Variants in MROH2A observed in about 807,000 individuals in gnomAD.
The protein encoded by MROH2A is maestro heat-like repeat-containing protein family member 2A.
A neutral mutation model predicts 200.4 loss-of-function variants in MROH2A; 174 were observed. That is an observed-to-expected ratio of 0.87 (90% CI 0.77 to 0.98). MROH2A has a LOEUF of 0.98. MROH2A is among the 50% of genes least tolerant of loss of function. The probability of loss-of-function intolerance (pLI) is 0.00; values close to 1 mark genes in which losing one functional copy is unlikely to be tolerated. For missense variants in MROH2A, 2,045 were observed against 2,139.6 expected (o/e 0.96, Z 0.87); for synonymous variants, 829 against 840.4 (o/e 0.99, Z 0.23).
At chr2:233,816,953 C>A in intron 27 of MROH2A, 68 bp downstream of exon 27, 2 of 970,984 alleles carry the variant, frequency 2.1e-6, no homozygotes, top group Non-Finnish European at 3.1e-6. Flanking sequence ...CTGTGTCTAT[C>A]TGGAAGATGA....
At position 233,808,085 on chromosome 2, in the gene MROH2A, C is replaced by A. The variant is rs905086294; in HGVS notation, c.2295+230C>A. 2.0e-5 allele frequency among the ~76,000 whole-genome samples: 3 copies of A among 152,314 alleles called. No homozygotes were observed. The East Asian group carries it at 5.8e-4, about 29-fold the overall frequency. On this transcript the variant is annotated intron_variant, in intron 21 of 41. Coordinates refer to ENST00000389758, the MANE Select transcript of MROH2A (RefSeq NM_001394639.1). Reference sequence around the variant, plus strand: ...CCTTTCCAGGACCCAGATACTGTCACGGAGTCCCAGCCCCTTGCTACTCAT... The same window carrying A: ...CCTTTCCAGGACCCAGATACTGTCAAGGAGTCCCAGCCCCTTGCTACTCAT...
intron 18 of MROH2A, 149 bp from the exon 19 acceptor site, chr2:233,804,855 G>T: frequency 1.7e-6 from 1 of 603,546 alleles, no homozygotes; most frequent in East Asian, 2.8e-5. Context: ...CTGGATCAGG[G>T]ATCTATGGAC....
At position 233,792,437 on chromosome 2, in the gene MROH2A, C is replaced by T. The variant is rs561457332; in HGVS notation, c.572-359C>T. ...ACGCCATTCTCCTGCCTCTGCCTCC[C>T]GAGTGGTTGAGACTACAGGCGCCTG... is the stretch of plus-strand genomic sequence containing the variant. On this transcript the variant is annotated intron_variant, in intron 5 of 41. Transcript: ENST00000389758. Among the ~76,000 whole-genome samples the T allele has an allele frequency of 4.6e-5, 7 of 152,106 alleles. No individual in the cohort carries two copies. In the South Asian group the frequency reaches 1.0e-3, roughly 23 times the overall value.
In MROH2A at chr2:233,822,863, GCTCCCAC is replaced by G; in HGVS notation, c.3867-12_3867-6del. 3 of 1,549,750 alleles carry G rather than the reference GCTCCCAC, an allele frequency of 1.9e-6. No individual in the cohort carries two copies. The highest frequency in any genetic ancestry group is 2.6e-6 in the Non-Finnish European group (3 of 1,146,318). On this transcript the variant is annotated splice_polypyrimidine_tract_variant and intron_variant, in intron 33 of 41. Coordinates refer to ENST00000389758, the MANE Select transcript of MROH2A (RefSeq NM_001394639.1). ...CTCCCAGCAGGGCAGCGCATCACAA[GCTCCCAC>G]CTCCCTTCAGGGTCACTATCAAGTC...
chr2:233,816,959 G>A, intron 27 of MROH2A, 74 bp downstream of exon 27: 1 of 902,086 alleles, frequency 1.1e-6, no homozygotes. Context: ...CTATCTGGAA[G>A]ATGAGGGAAC....
rs1290844153 is a variant in MROH2A, at chr2:233,822,548, C to A, written c.3858C>A (p.Asn1286Lys). 1.3e-6 allele frequency: 2 copies of A among 1,549,530 alleles called. No homozygotes were observed. Among genetic ancestry groups the A allele is most frequent in the Non-Finnish European group, 1.7e-6 (2 of 1,146,936 alleles). Residue 1286 changes from asparagine to lysine, a missense_variant, in exon 33 of 42, where the codon AAC (asparagine) becomes AAA (lysine). Asn to Lys is a moderately conservative substitution (Grantham distance 94, BLOSUM62 0). Around this residue, in one of 3 missense-constraint regions of MROH2A, gnomAD observed 1,201 missense variants for 1,311.3 expected, o/e 0.92. Transcript: ENST00000389758. The part of the protein sequence containing the change: ...VHTTPLPEEM[N>K]LQRVTIKSMQ... ...CCACTCCTCTGCCGGAGGAGATGAA[C>A]CTGCAAAGGTGCTCTCGAGGGCGGT...
chr2:233,829,669 C>T lies in MROH2A; in HGVS notation c.4496C>T (p.Ala1499Val). 5 of 1,488,872 alleles carry T rather than the reference C, an allele frequency of 3.4e-6. No homozygotes were observed. The highest frequency in any genetic ancestry group is 1.4e-5 in the African/African-American group (1 of 69,872). The allele number at this position is 1,488,872 out of a possible 1,614,324, so 92.2% of individuals were successfully genotyped here. Reference protein sequence around the residue: ...LKAFILFGKLARVVGMSKKHF... With the variant: ...LKAFILFGKLVRVVGMSKKHF... The stretch of plus-strand genomic sequence containing the variant: ...GCCTTCATCCTCTTTGGAAAGCTGG[C>T]AAGGGTGGTCGGGATGTCCAAGAAG... Residue 1499 changes from alanine to valine, a missense_variant, in exon 38 of 42, where the codon GCA becomes GTA. Ala to Val is a moderately conservative substitution (Grantham distance 64). Transcript: ENST00000389758.
intron 19 of MROH2A, among the ~76,000 whole-genome samples, chr2:233,806,764 C>A (rs1018631093): frequency 1.3e-5 from 2 of 152,142 alleles, no homozygotes; most frequent in African/African-American, 2.4e-5. Flanking sequence ...TCTGACCTCC[C>A]AGAATAACCT....
intron 38 of MROH2A, among the ~76,000 whole-genome samples, chr2:233,830,011 G>A (rs552992077): frequency 5.9e-5 from 9 of 152,206 alleles, no homozygotes; most frequent in Middle Eastern, 3.4e-3. Context: ...TCTCAGCCCC[G>A]TGTCGGGGGA....
Position 233,807,645 on chromosome 2 carries a change from T to A in MROH2A, c.2173-88T>A, listed in dbSNP as rs1175268143. ...TGCGTTTTGTGTGTGTGTGTGTACA[T>A]GTGTGTGTGCCTTGCACGTGTGTGT... On this transcript the variant is annotated intron_variant, in intron 20 of 41. Transcript: ENST00000389758. The surrounding 1 kb of genome is among the most constrained non-coding windows in gnomAD (Gnocchi z 4.3). 1 of 1,545,362 alleles carries A rather than the reference T, an allele frequency of 6.5e-7. No homozygotes were observed. The highest frequency in any genetic ancestry group is 8.7e-7 in the Non-Finnish European group (1 of 1,144,272).
Position 233,804,549 on chromosome 2 carries a change from T to C in MROH2A, c.1944+2T>C. 6.4e-7 allele frequency: 1 copy of C among 1,551,184 alleles called. No individual in the cohort carries two copies. ...GCCTGGGAAGACAAGCTGATTCAGG[T>C]AAACGGGTAACAAGTTTGCTGAGGC... On this transcript the variant is annotated splice_donor_variant, in intron 18 of 41. Coordinates refer to ENST00000389758, the MANE Select transcript of MROH2A (RefSeq NM_001394639.1). LOFTEE classifies it high-confidence loss of function.
At position 233,828,611 on chromosome 2, in the gene MROH2A, C is replaced by T; in HGVS notation, c.4114-19C>T. 3 of 1,549,364 alleles carry T rather than the reference C, an allele frequency of 1.9e-6. No homozygotes were observed. The highest frequency in any genetic ancestry group is 2.6e-6 in the Non-Finnish European group (3 of 1,145,900). On this transcript the variant is annotated intron_variant, in intron 35 of 41. Transcript: ENST00000389758. This position sits in a 1 kb window ranked among gnomAD's most constrained non-coding sequence, Gnocchi z 4.6. ...ATGAGCCCGCCCTGGGGATAACTGC[C>T]CAATGTCCTCCCTTCCAGTTCATGA...
intron 3 of MROH2A, among the ~76,000 whole-genome samples, chr2:233,786,074 C>A (rs1327129152): frequency 6.6e-6 from 1 of 152,104 alleles, no homozygotes; most frequent in African/African-American, 2.4e-5. Context: ...GTGAATAAGT[C>A]TCACGAGATC....
Position 233,787,569 on chromosome 2 carries a change from T to TACATATATCATATATAC in MROH2A, c.277-1927_277-1926insCATATATCATATATACA, listed in dbSNP as rs1559435370. On this transcript the variant is annotated intron_variant, in intron 3 of 41. Transcript: ENST00000389758. ...ATATATATTATATATACATATATAT[T>TACATATATCATATATAC]ATATATATCATATATACATATATAT... Among the ~76,000 whole-genome samples, 62 of 62,070 alleles carry TACATATATCATATATAC rather than the reference T, an allele frequency of 1.0e-3. 2 individuals carry two copies. The highest frequency in any genetic ancestry group is 1.5e-3 in the Non-Finnish European group (55 of 36,900). 40.7% of individuals were successfully genotyped at this position (62,070 alleles called of 152,430 possible).
rs1267308017 is a variant in MROH2A at position 233,819,379 on chromosome 2, C to T, written c.3267C>T (p.Asn1089=). ...VVSLIQKLCE[N]TGAMNLQHDK... ...CGCTCATCCAGAAGCTCTGCGAGAA[C>T]ACTGGGGCCATGAACCTGCAGCATG... is the stretch of plus-strand genomic sequence containing the variant. The change falls in exon 30 of 42, where the codon AAC becomes AAT. Residue 1089 remains asparagine (N), a synonymous_variant. Transcript: ENST00000389758. 11 of 1,550,470 alleles carry T rather than the reference C, an allele frequency of 7.1e-6. No homozygotes were observed. In the Admixed American group the frequency reaches 1.2e-4, roughly 17 times the overall value.
At chr2:233,795,837 C>G (rs564104126) in intron 9 of MROH2A, 92 bp downstream of exon 9, 1 of 1,546,064 alleles carries the variant, frequency 6.5e-7, no homozygotes, top group Non-Finnish European at 8.7e-7. Context: ...ACAACTCACT[C>G]GCGTGCTTCC....
At chr2:233,790,490 T>C (rs1327933784) in intron 5 of MROH2A, among the ~76,000 whole-genome samples, 1 of 49,710 alleles carries the variant, frequency 2.0e-5, no homozygotes, top group African/African-American at 1.3e-4. Context: ...CCTCCCTCCC[T>C]CCTTCCTTCC....
At chr2:233,821,779 C>T (rs1008091526) in intron 31 of MROH2A, among the ~76,000 whole-genome samples, 19 of 151,988 alleles carry the variant, frequency 1.3e-4, no homozygotes, top group African/African-American at 4.6e-4. Flanking sequence ...CTACCGACAA[C>T]CAACCTGATG....
Position 233,794,385 on chromosome 2 carries a change from C to G in MROH2A, c.845C>G (p.Ser282Cys), listed in dbSNP as rs1201929075. Residue 282 changes from serine to cysteine, a missense_variant, in exon 8 of 42, where the codon TCC becomes TGC. Physicochemically the swap from Ser to Cys is moderately radical, Grantham distance 112. Around this residue, in one of 3 missense-constraint regions of MROH2A, gnomAD observed 831 missense variants for 800.0 expected, o/e 1.04. Transcript: ENST00000389758. ...NPEVKLGVIKSLKPMLGLLLP... is the reference protein window; with the variant it reads ...NPEVKLGVIKCLKPMLGLLLP... ...CAGGTGAAGCTGGGGGTGATCAAGTCCCTGAAGCCCATGCTCGGCCTCCTT... is the reference window on the plus strand; with the variant it reads ...CAGGTGAAGCTGGGGGTGATCAAGTGCCTGAAGCCCATGCTCGGCCTCCTT... The G allele has an allele frequency of 6.4e-7, 1 of 1,550,460 alleles. No homozygotes were observed. The highest frequency in any genetic ancestry group is 1.4e-5 in the African/African-American group (1 of 73,134).
Sources: gnomAD v4.1 joint callset for allele counts (sites outside exome capture counted in the v4.1 genomes callset) on GRCh38, gnomAD v4.1.1 for gene constraint, gnomAD v4.1.1 regional missense constraint, Gnocchi (gnomAD v3.1) non-coding constraint, MANE v1.5 for transcripts, NCBI Gene and HGNC (gene_info 2026-07-23, HGNC 2026-07-21) for gene names.